Variants in TTBK1 observed in about 807,000 individuals in gnomAD.
TTBK1 encodes tau-tubulin kinase 1.
TTBK1 carries 34 observed loss-of-function variants against 108.5 expected under a neutral mutation model. The ratio of observed to expected loss-of-function variants is 0.31; its 90% CI spans 0.24 to 0.42. The LOEUF (loss-of-function observed/expected upper bound fraction) is 0.42, where lower values mean the gene tolerates loss of function less well. TTBK1 is among the 10% of genes least tolerant of loss of function. The pLI is 1.00. For synonymous variants in TTBK1, 809 were observed against 795.1 expected, an observed-to-expected ratio of 1.02 and a Z score of -0.29; for missense variants, 1,539 against 1,826.0, an observed-to-expected ratio of 0.84 and a Z score of 2.86.
chr6:43,262,579 T>TGAAC (rs1387932479), intron 12 of TTBK1, among the ~76,000 whole-genome samples: 1 of 152,116 alleles, frequency 6.6e-6, no homozygotes, highest in African/African-American at 2.4e-5. Context: ...AATGAATGAA[T>TGAAC]GAACGAACGA....
At chr6:43,254,785 T>C in intron 6 of TTBK1, 134 bp downstream of exon 6, 1 of 814,876 alleles carries the variant, frequency 1.2e-6, no homozygotes, top group Non-Finnish European at 1.9e-6. Context: ...CACCCAGCTC[T>C]GGGTGTCCAC....
At chr6:43,272,477 C>T (rs1777860255) in intron 13 of TTBK1, 2 of 985,456 alleles carry the variant, frequency 2.0e-6, no homozygotes, top group Non-Finnish European at 2.4e-6. Flanking sequence ...ACACACCCCC[C>T]ACCTCAGAAC....
intron 2 of TTBK1, among the ~76,000 whole-genome samples, chr6:43,251,796 T>A (rs1225545713): frequency 2.0e-5 from 3 of 152,212 alleles, no homozygotes; most frequent in African/African-American, 4.8e-5. Context: ...AGGAGGCTCA[T>A]CCTGGTTGTG....
At chr6:43,255,206 G>T (rs902528617) in intron 7 of TTBK1, 92 bp downstream of exon 7, 9 of 1,027,732 alleles carry the variant, frequency 8.8e-6, no homozygotes, top group African/African-American at 4.8e-5. Flanking sequence ...GGAGAGGAGA[G>T]TGGGGCAGGG....
rs1289313179 is a variant in TTBK1 at position 43,259,061 on chromosome 6, C to T, written c.1040C>T (p.Pro347Leu). 6.2e-7 allele frequency: 1 copy of T among 1,613,424 alleles called. No individual in the cohort carries two copies. Among genetic ancestry groups the T allele is most frequent in the South Asian group, 1.1e-5 (1 of 91,030 alleles). Residue 347 changes from proline (P) to leucine (L), a missense_variant, in exon 11 of 15, where the codon CCT (proline) becomes CTT (leucine). Pro to Leu is a moderately conservative substitution (Grantham distance 98, BLOSUM62 -3). Transcript: ENST00000259750. This position sits in a 1 kb window ranked among gnomAD's most constrained non-coding sequence, Gnocchi z 6.7. ...AGGGTGGTCAATGTGACGCCAGTGC[C>T]TGGGGACCTGCTCCGGGAGAACACC... ...MFGVVNVTPVPGDLLRENTED... is the reference protein window; with the variant it reads ...MFGVVNVTPVLGDLLRENTED...
rs1316545636 is a variant in TTBK1 at position 43,254,612 on chromosome 6, G to T, written c.537G>T (p.Leu179=). Residue 179 remains leucine, a synonymous_variant, in exon 6 of 15, where the codon CTG becomes CTT. Transcript: ENST00000259750. ...YRKCYMLDFG[L]ARQYTNTTGD... ...AGTGCTATATGCTGGACTTCGGGCT[G>T]GCCCGGCAGTACACCAACACCACGG... 1.1e-5 allele frequency: 18 copies of T among 1,591,122 alleles called. No individual in the cohort carries two copies. The highest frequency in any genetic ancestry group is 1.5e-5 in the Non-Finnish European group (18 of 1,170,696).
At chr6:43,258,338 T>TG (rs1007794908) in intron 10 of TTBK1, among the ~76,000 whole-genome samples, 3 of 152,140 alleles carry the variant, frequency 2.0e-5, no homozygotes, top group Admixed American at 2.0e-4. Context: ...CAGCTGAGTC[T>TG]GGGATGTTTG....
chr6:43,259,566 G>A lies in TTBK1; in HGVS notation c.1284G>A (p.Met428Ile), dbSNP rs762286507. 23 of 1,604,380 alleles carry A rather than the reference G, an allele frequency of 1.4e-5. 1 individual carries two copies. In the South Asian group the frequency reaches 1.7e-4, roughly 12 times the overall value. The change falls in exon 12 of 15, where the codon ATG becomes ATA. Residue 428 changes from methionine to isoleucine, a missense_variant. Transcript: ENST00000259750. The surrounding 1 kb of genome is among the most constrained non-coding windows in gnomAD (Gnocchi z 6.7). ...TGGAGGAGGAACAGAGCCGAGGCAT[G>A]GGGGTCCCCAGCTCCCCAGTGCGTG... Reference protein sequence around the residue: ...PCVEEEQSRGMGVPSSPVRAP... With the variant: ...PCVEEEQSRGIGVPSSPVRAP...
intron 6 of TTBK1, 57 bp from the exon 7 acceptor site, chr6:43,254,992 G>T: frequency 3.9e-6 from 6 of 1,527,880 alleles, no homozygotes; most frequent in South Asian, 1.1e-5. Context: ...GCAGGGTTGA[G>T]AGGTGGCTGA....
chr6:43,288,181 T>G lies in TTBK1; in HGVS notation c.*2805T>G, dbSNP rs1225415344. 1 of 152,790 alleles carries G rather than the reference T, an allele frequency of 6.5e-6. No individual in the cohort carries two copies. The highest frequency in any genetic ancestry group is 1.5e-5 in the Non-Finnish European group (1 of 68,152). The allele number at this position is 152,790 out of a possible 1,614,324, so 9.5% of individuals were successfully genotyped here. ...ACCTGTCCACCCCACCCCAACACCCTGGAAGCCACTGTCAATGATTAGATC... is the reference window on the plus strand; with the variant it reads ...ACCTGTCCACCCCACCCCAACACCCGGGAAGCCACTGTCAATGATTAGATC... On this transcript the variant is annotated 3_prime_UTR_variant, in exon 15 of 15. Transcript: ENST00000259750. The surrounding 1 kb of genome is among the most constrained non-coding windows in gnomAD (Gnocchi z 4.4).
At position 43,254,668 on chromosome 6, in the gene TTBK1, C is replaced by T. The variant is rs960865338; in HGVS notation, c.576+17C>T. The T allele has an allele frequency of 8.4e-6, 13 of 1,540,002 alleles. No individual in the cohort carries two copies. Among genetic ancestry groups the T allele is most frequent in the East Asian group, 2.3e-5 (1 of 43,820 alleles). On this transcript the variant is annotated intron_variant, in intron 6 of 14. Transcript: ENST00000259750. ...GTGCGGCCCGTGAGTACCGTCGGGG[C>T]GGGGAGGACAGTGGAGGACTCCCCC...
At chr6:43,251,547 A>G (rs962874237) in intron 2 of TTBK1, among the ~76,000 whole-genome samples, 1 of 152,168 alleles carries the variant, frequency 6.6e-6, no homozygotes, top group African/African-American at 2.4e-5. Flanking sequence ...CTGCCAGCAA[A>G]GCCCTCACCC....
At chr6:43,271,836 C>T in intron 13 of TTBK1, 1 of 984,764 alleles carries the variant, frequency 1.0e-6, no homozygotes. Flanking sequence ...CATCTGGCAA[C>T]AAAAGCCAGA....
intron 13 of TTBK1, among the ~76,000 whole-genome samples, chr6:43,279,982 G>C (rs1778110822): frequency 6.6e-6 from 1 of 151,956 alleles, no homozygotes; most frequent in African/African-American, 2.4e-5. Context: ...TAGCAACCCT[G>C]TTTGAGCCAG....
rs753612408 is a variant in TTBK1, at chr6:43,263,013, C to T, written c.1649C>T (p.Thr550Met). ...SKEWVIIDKETELKDFPPGAE... is the reference protein window; with the variant it reads ...SKEWVIIDKEMELKDFPPGAE... The stretch of plus-strand genomic sequence containing the variant: ...GAGTGGGTCATCATCGACAAGGAGA[C>T]GGAGCTCAAGGACTTCCCTCCAGGG... The change falls in exon 13 of 15, where the codon ACG becomes ATG. Residue 550 changes from threonine (T) to methionine (M), a missense_variant. By Grantham distance (81) the Thr-to-Met change is moderately conservative (BLOSUM62 -1). Around this residue, in one of 5 missense-constraint regions of TTBK1, gnomAD observed 1,055 missense variants for 1,086.5 expected, o/e 0.97. Coordinates refer to ENST00000259750, the MANE Select transcript of TTBK1 (RefSeq NM_032538.3). This position sits in a 1 kb window ranked among gnomAD's most constrained non-coding sequence, Gnocchi z 4.7. 1.3e-5 allele frequency: 21 copies of T among 1,607,630 alleles called. No individual in the cohort carries two copies. The highest frequency in any genetic ancestry group is 3.4e-5 in the Admixed American group (2 of 58,998).
intron 12 of TTBK1, 138 bp from the exon 13 acceptor site, chr6:43,262,651 G>A: frequency 1.4e-6 from 1 of 731,176 alleles, no homozygotes; most frequent in Non-Finnish European, 2.1e-6. Context: ...CAACCTAGAG[G>A]TAACTGGCCT....
At chr6:43,262,768 C>T in intron 12 of TTBK1, 21 bp from the exon 13 acceptor site, 2 of 1,525,700 alleles carry the variant, frequency 1.3e-6, no homozygotes, top group Non-Finnish European at 1.8e-6. Context: ...GTATTGAGCC[C>T]CGTGAGGGGT....
intron 9 of TTBK1, among the ~76,000 whole-genome samples, chr6:43,256,419 C>T (rs1777382628): frequency 6.6e-6 from 1 of 151,830 alleles, no homozygotes; most frequent in Admixed American, 6.6e-5. Flanking sequence ...AGGTGTGAGC[C>T]ACTGTGCCCA....
In TTBK1 at chr6:43,285,064, A is replaced by G. The variant is rs1383929001; in HGVS notation, c.3654A>G (p.Pro1218=). 4.7e-6 allele frequency: 7 copies of G among 1,500,912 alleles called. No individual in the cohort carries two copies. The highest frequency in any genetic ancestry group is 1.9e-4 in the Middle Eastern group (1 of 5,326). 93.0% of individuals were successfully genotyped at this position (1,500,912 alleles called of 1,614,324 possible). The change falls in exon 15 of 15, where the codon CCA becomes CCG. Residue 1218 remains proline (P), a synonymous_variant. Transcript: ENST00000259750. The surrounding 1 kb of genome is among the most constrained non-coding windows in gnomAD (Gnocchi z 4.7). The part of the protein sequence containing the change: ...PKQPPGRGLG[P]GRAQAGARPP... ...AACCTCCTGGCCGCGGCCTGGGCCC[A>G]GGGCGAGCCCAAGCCGGAGCCAGGC...
Sources: gnomAD v4.1 joint callset for allele counts (sites outside exome capture counted in the v4.1 genomes callset) on GRCh38, gnomAD v4.1.1 for gene constraint, gnomAD v4.1.1 regional missense constraint, Gnocchi (gnomAD v3.1) non-coding constraint, MANE v1.5 for transcripts, NCBI Gene and HGNC (gene_info 2026-07-23, HGNC 2026-07-21) for gene names.